IL1RAPL1: variants seen among roughly 807,000 people sequenced by gnomAD.
IL1RAPL1 encodes the protein interleukin 1 receptor accessory protein like 1.
IL1RAPL1 carries 3 observed loss-of-function variants against 48.4 expected under a neutral mutation model. The ratio of observed to expected loss-of-function variants is 0.06; its 90% confidence interval spans 0.03 to 0.16. The LOEUF (loss-of-function observed/expected upper bound fraction) is 0.16. Ranked by LOEUF, IL1RAPL1 falls within the 10% of genes least tolerant of loss-of-function variation. IL1RAPL1 has a pLI of 1.00. For synonymous variants in IL1RAPL1, 185 were observed against 187.7 expected (o/e 0.99, Z 0.12); for missense variants, 349 against 530.6 (o/e 0.66, Z 3.36).
intron 2 of IL1RAPL1, among the ~76,000 whole-genome samples, chrX:29,087,999 A>G (rs1397260237): frequency 8.9e-6 from 1 of 112,295 alleles, no homozygotes; most frequent in Non-Finnish European, 1.9e-5. Context: ...GTGCCACTTC[A>G]CACTAACCTG....
chrX:28,879,539 A>C (rs761035094), intron 2 of IL1RAPL1, among the ~76,000 whole-genome samples: 13 of 111,912 alleles, frequency 1.2e-4, no homozygotes, highest in Admixed American at 7.6e-4. Flanking sequence ...AAAATCATAC[A>C]TAAAAACTAA....
At chrX:29,659,337 A>C (rs771960893) in intron 5 of IL1RAPL1, among the ~76,000 whole-genome samples, 6 of 112,263 alleles carry the variant, frequency 5.3e-5, no homozygotes, top group Non-Finnish European at 1.1e-4. Context: ...ATTTCACGTA[A>C]TATAATGACT....
chrX:28,823,395 T>G (rs887601890), intron 2 of IL1RAPL1, among the ~76,000 whole-genome samples: 4 of 111,486 alleles, frequency 3.6e-5, no homozygotes, highest in African/African-American at 9.8e-5. Flanking sequence ...GCTTTGTAAC[T>G]ATAGCTATTA....
intron 2 of IL1RAPL1, among the ~76,000 whole-genome samples, chrX:29,073,486 T>C (rs1477393376): frequency 2.7e-5 from 3 of 112,084 alleles, no homozygotes; most frequent in Non-Finnish European, 5.6e-5. Context: ...TTATCTATTA[T>C]TCTTTTTCAA....
intron 2 of IL1RAPL1, among the ~76,000 whole-genome samples, chrX:28,921,147 A>T (rs1235742414): frequency 2.7e-5 from 3 of 110,881 alleles, no homozygotes; most frequent in Non-Finnish European, 5.7e-5. Context: ...TAAAAAAAAA[A>T]CGAGTGGAAC....
intron 2 of IL1RAPL1, among the ~76,000 whole-genome samples, chrX:29,015,501 A>G (rs1400589870): frequency 9.0e-6 from 1 of 111,065 alleles, no homozygotes; most frequent in Non-Finnish European, 1.9e-5. Context: ...TTAGAAGAAT[A>G]TGTCACAACA....
chrX:29,755,817 A>T (rs1271160641), intron 6 of IL1RAPL1, among the ~76,000 whole-genome samples: 3 of 112,352 alleles, frequency 2.7e-5, no homozygotes, highest in Non-Finnish European at 5.6e-5. Context: ...TCACAAAGTG[A>T]CAGATTCGGA....
At chrX:29,499,574 A>C (rs1271578546) in intron 5 of IL1RAPL1, among the ~76,000 whole-genome samples, 1 of 112,106 alleles carries the variant, frequency 8.9e-6, no homozygotes, top group Non-Finnish European at 1.9e-5. Flanking sequence ...ATACGAATAT[A>C]AAATACAAAT....
At chrX:29,178,651 C>T (rs375754842) in intron 2 of IL1RAPL1, among the ~76,000 whole-genome samples, 1 of 111,710 alleles carries the variant, frequency 9.0e-6, no homozygotes, top group Non-Finnish European at 1.9e-5. Context: ...TTTGGTGTTT[C>T]AGTCATGAAG....
chrX:29,366,553 A>ATTTTTTTTTT (rs34164964), intron 3 of IL1RAPL1, among the ~76,000 whole-genome samples: 2 of 37,256 alleles, frequency 5.4e-5, no homozygotes, highest in South Asian at 2.6e-3. Context: ...TGATAGGTCA[A>ATTTTTTTTTT]TTTTTTTTTT....
At chrX:28,593,812 G>A (rs574152765) in intron 1 of IL1RAPL1, among the ~76,000 whole-genome samples, 2 of 110,513 alleles carry the variant, frequency 1.8e-5, no homozygotes, top group African/African-American at 6.6e-5. Flanking sequence ...TTACCTTATC[G>A]ATGTTTTAGA....
intron 2 of IL1RAPL1, among the ~76,000 whole-genome samples, chrX:29,122,327 T>C (rs1928804673): frequency 9.1e-6 from 1 of 109,877 alleles, no homozygotes; most frequent in Non-Finnish European, 1.9e-5. Flanking sequence ...TAAGAGTTAA[T>C]TACTCTGAAC....
chrX:29,906,602 A>C (rs189193958), intron 6 of IL1RAPL1, among the ~76,000 whole-genome samples: 53 of 97,795 alleles, frequency 5.4e-4, no homozygotes, highest in African/African-American at 1.6e-3. Context: ...CTCTACCTAC[A>C]ACTGCCATTA....
intron 5 of IL1RAPL1, among the ~76,000 whole-genome samples, chrX:29,626,087 T>G (rs1346875178): frequency 8.9e-6 from 1 of 112,204 alleles, no homozygotes; most frequent in Middle Eastern, 4.2e-3. Flanking sequence ...AAGGAAACAA[T>G]CATTTTAAAA....
intron 5 of IL1RAPL1, among the ~76,000 whole-genome samples, chrX:29,450,229 A>G (rs911188148): frequency 8.9e-6 from 1 of 112,241 alleles, no homozygotes; most frequent in Non-Finnish European, 1.9e-5. Context: ...TTATATTTGA[A>G]TACATTCTGA....
At chrX:29,543,239 C>T (rs994226709) in intron 5 of IL1RAPL1, among the ~76,000 whole-genome samples, 3 of 109,812 alleles carry the variant, frequency 2.7e-5, no homozygotes, top group African/African-American at 6.6e-5. Context: ...TAACTGTGCT[C>T]TCTTCTCCAT....
chrX:28,638,948 A>G (rs776988628), intron 1 of IL1RAPL1, among the ~76,000 whole-genome samples: 2 of 111,601 alleles, frequency 1.8e-5, no homozygotes, highest in Non-Finnish European at 3.8e-5. Flanking sequence ...GGGTGGGAAG[A>G]TTATGGTTTT....
At chrX:28,686,306 G>A (rs896120683) in intron 1 of IL1RAPL1, among the ~76,000 whole-genome samples, 2 of 111,854 alleles carry the variant, frequency 1.8e-5, no homozygotes, top group Admixed American at 1.9e-4. Flanking sequence ...AAATAATTAA[G>A]GGAACCACTA....
chrX:29,351,634 A>G (rs1397695886), intron 3 of IL1RAPL1, among the ~76,000 whole-genome samples: 3 of 112,320 alleles, frequency 2.7e-5, no homozygotes, highest in Non-Finnish European at 5.6e-5. Flanking sequence ...TCGAATGTAC[A>G]TGGTAAGCCT....
Sources: gnomAD v4.1 joint callset for allele counts (sites outside exome capture counted in the v4.1 genomes callset) on GRCh38, gnomAD v4.1.1 for gene constraint, MANE v1.5 for transcripts, NCBI Gene and HGNC (gene_info 2026-07-23, HGNC 2026-07-21) for gene names.